Variants in ADAM2 observed in about 807,000 individuals in gnomAD.
ADAM2 encodes the protein disintegrin and metalloproteinase domain-containing protein 2.
Under a neutral mutation model 99.3 loss-of-function variants are expected in ADAM2, and 101 were observed. That is an observed-to-expected ratio of 1.02 (90% CI 0.87 to 1.20). The LOEUF is 1.20. ADAM2 is among the 50% of genes most tolerant of loss of function. The probability of loss-of-function intolerance (pLI) is 0.00; values close to 1 mark genes in which losing one functional copy is unlikely to be tolerated. For synonymous variants in ADAM2, 323 were observed against 287.6 expected, an observed-to-expected ratio of 1.12 and a Z score of -1.25; for missense variants, 948 against 878.7, an observed-to-expected ratio of 1.08 and a Z score of -1.00.
chr8:39,786,159 G>A (rs931059414), intron 10 of ADAM2, among the ~76,000 whole-genome samples: 2 of 152,216 alleles, frequency 1.3e-5, no homozygotes, highest in Non-Finnish European at 2.9e-5. Context: ...ACTACCGGGG[G>A]TGGAGGAAGG....
intron 10 of ADAM2, among the ~76,000 whole-genome samples, chr8:39,779,409 A>G (rs1803131113): frequency 6.6e-6 from 1 of 152,112 alleles, no homozygotes; most frequent in South Asian, 2.1e-4. Context: ...TTAACCTTTC[A>G]GGTCCTATCT....
rs1805080795 is a variant in ADAM2 at position 39,819,319 on chromosome 8, T to C, written c.513+1683A>G. 3.9e-5 allele frequency among the ~76,000 whole-genome samples: 6 copies of C among 152,184 alleles called. No individual in the cohort carries two copies. The South Asian group carries it at 1.2e-3, about 32-fold the overall frequency. ...CAAATGGTGTGAGGACAGCTGGATA[T>C]TGATATAAAAAAATTTGAATTTCTA... is the stretch of plus-strand genomic sequence containing the variant. On this transcript the variant is annotated intron_variant, in intron 6 of 20. Coordinates refer to ENST00000265708, the MANE Select transcript of ADAM2 (RefSeq NM_001464.5).
intron 7 of ADAM2, among the ~76,000 whole-genome samples, chr8:39,807,967 A>T (rs891810382): frequency 6.6e-6 from 1 of 152,182 alleles, no homozygotes; most frequent in Non-Finnish European, 1.5e-5. Context: ...ACAGCAGCTA[A>T]TATTTAATTT....
intron 7 of ADAM2, 103 bp downstream of exon 7, chr8:39,809,307 G>A: frequency 1.6e-6 from 1 of 630,036 alleles, no homozygotes; most frequent in Non-Finnish European, 2.8e-6. Flanking sequence ...GCAGAGCTAA[G>A]GCAAAATTAT....
chr8:39,838,142 C>T lies in ADAM2; in HGVS notation c.44G>A (p.Arg15Gln). 3.1e-6 allele frequency: 5 copies of T among 1,614,068 alleles called. No individual in the cohort carries two copies. Among genetic ancestry groups the T allele is most frequent in the African/African-American group, 1.3e-5 (1 of 74,992 alleles). ...GTTTTTCTGCTTACTACTGTCCATC[C>T]GCAGCCCGCCGAGCCCGCTGAGCAG... ...LFLLSGLGGL[R>Q]MDSNFDSLPV... Residue 15 changes from arginine (R) to glutamine (Q), a missense_variant, in exon 1 of 21, where the codon CGG becomes CAG. Arg to Gln is a conservative substitution (Grantham distance 43). Coordinates refer to ENST00000265708, the MANE Select transcript of ADAM2 (RefSeq NM_001464.5).
intron 6 of ADAM2, among the ~76,000 whole-genome samples, chr8:39,810,322 C>A (rs1316502923): frequency 6.6e-6 from 1 of 152,154 alleles, no homozygotes; most frequent in Non-Finnish European, 1.5e-5. Context: ...TAGACTCCCA[C>A]ACAATAATAA....
At chr8:39,752,064 G>A (rs936982921) in intron 16 of ADAM2, among the ~76,000 whole-genome samples, 1 of 152,082 alleles carries the variant, frequency 6.6e-6, no homozygotes, top group African/African-American at 2.4e-5. Context: ...TTTTTTTAAA[G>A]GCATAGTTGT....
intron 19 of ADAM2, 140 bp downstream of exon 19, chr8:39,746,332 T>A (rs567858604): frequency 1.5e-5 from 9 of 611,806 alleles, no homozygotes; most frequent in Non-Finnish European, 2.3e-5. Context: ...TGGCCATTAG[T>A]TATTAATATA....
intron 7 of ADAM2, among the ~76,000 whole-genome samples, chr8:39,795,216 G>A (rs1409894084): frequency 3.9e-5 from 6 of 152,068 alleles, no homozygotes; most frequent in Admixed American, 2.0e-4. Flanking sequence ...AAATTCTAAG[G>A]CCACCAATCA....
At chr8:39,799,122 T>A (rs1308253399) in intron 7 of ADAM2, among the ~76,000 whole-genome samples, 1 of 152,190 alleles carries the variant, frequency 6.6e-6, no homozygotes, top group Non-Finnish European at 1.5e-5. Flanking sequence ...GCTCTTTTAA[T>A]TGTGATGTTA....
At chr8:39,774,259 C>T (rs199873270) in intron 11 of ADAM2, among the ~76,000 whole-genome samples, 1 of 151,816 alleles carries the variant, frequency 6.6e-6, no homozygotes, top group East Asian at 1.9e-4. Flanking sequence ...CAGAGTGAAA[C>T]AAAGACAGCC....
At chr8:39,805,628 C>G (rs1297827933) in intron 7 of ADAM2, among the ~76,000 whole-genome samples, 2 of 152,116 alleles carry the variant, frequency 1.3e-5, no homozygotes, top group Non-Finnish European at 2.9e-5. Context: ...TTTAGCTGAG[C>G]TGTTCCCATC....
intron 10 of ADAM2, among the ~76,000 whole-genome samples, chr8:39,786,410 C>T (rs562226716): frequency 5.1e-4 from 77 of 152,194 alleles, no homozygotes; most frequent in Non-Finnish European, 9.9e-4. Context: ...ATTATACAAA[C>T]ACTCACACAA....
chr8:39,796,373 G>A (rs532265134), intron 7 of ADAM2, among the ~76,000 whole-genome samples: 56 of 152,146 alleles, frequency 3.7e-4, no homozygotes, highest in Non-Finnish European at 6.6e-4. Context: ...ACACAATCTC[G>A]TTCCTTTTTT....
At chr8:39,822,632 C>A (rs778263785) in intron 4 of ADAM2, among the ~76,000 whole-genome samples, 8 of 152,016 alleles carry the variant, frequency 5.3e-5, no homozygotes, top group Non-Finnish European at 8.8e-5. Context: ...TACAAAGTTT[C>A]TTTCTACTTT....
intron 10 of ADAM2, among the ~76,000 whole-genome samples, chr8:39,784,711 A>G (rs760727974): frequency 2.6e-5 from 4 of 152,194 alleles, no homozygotes; most frequent in African/African-American, 9.7e-5. Flanking sequence ...GAAATAAACA[A>G]GCCAAATTCC....
At chr8:39,756,128 TA>T (rs1159072357) in intron 15 of ADAM2, among the ~76,000 whole-genome samples, 1 of 152,180 alleles carries the variant, frequency 6.6e-6, no homozygotes, top group Non-Finnish European at 1.5e-5. Flanking sequence ...GCAAAACTAA[TA>T]GTGGTTTTTG....
chr8:39,814,702 C>G (rs1275729378), intron 6 of ADAM2, among the ~76,000 whole-genome samples: 1 of 151,790 alleles, frequency 6.6e-6, no homozygotes, highest in African/African-American at 2.4e-5. Context: ...TGTGTGGGTG[C>G]GGGTGTCCAT....
At chr8:39,812,011 T>A (rs552351811) in intron 6 of ADAM2, among the ~76,000 whole-genome samples, 37 of 152,330 alleles carry the variant, frequency 2.4e-4, no homozygotes, top group African/African-American at 8.7e-4. Flanking sequence ...GATGACATGA[T>A]TGTATATTTA....
Sources: allele counts gnomAD v4.1 joint callset (sites outside exome capture counted in the v4.1 genomes callset), GRCh38; gene constraint gnomAD v4.1.1; transcripts MANE v1.5; gene names NCBI Gene and HGNC (gene_info 2026-07-23, HGNC 2026-07-21).